Variants in GABPB1 observed in about 807,000 individuals in gnomAD.
GABPB1 encodes the protein GA-binding protein subunit beta-1.
Under a neutral mutation model 45.9 loss-of-function variants are expected in GABPB1, and 15 were observed. That is an observed-to-expected ratio of 0.33 (90% CI 0.22 to 0.50). The LOEUF (loss-of-function observed/expected upper bound fraction) is 0.50. Ranked by LOEUF, GABPB1 falls within the 20% of genes least tolerant of loss-of-function variation. The pLI is 0.98. For synonymous variants in GABPB1, 143 were observed against 154.4 expected (o/e 0.93, Z 0.55); for missense variants, 252 against 457.5 (o/e 0.55, Z 4.10).
intron 1 of GABPB1, among the ~76,000 whole-genome samples, chr15:50,332,699 T>C (rs187430247): frequency 1.5e-4 from 23 of 152,254 alleles, no homozygotes; most frequent in Admixed American, 4.6e-4. Context: ...AATAAATACA[T>C]AAGGATTCAT....
intron 1 of GABPB1, among the ~76,000 whole-genome samples, chr15:50,319,099 A>C (rs2047458453): frequency 6.6e-6 from 1 of 152,220 alleles, no homozygotes; most frequent in Admixed American, 6.5e-5. Context: ...GTGGAAAAAA[A>C]TCAAGAAATA....
intron 1 of GABPB1, among the ~76,000 whole-genome samples, chr15:50,323,134 G>A (rs1437828653): frequency 2.0e-5 from 3 of 152,164 alleles, no homozygotes; most frequent in African/African-American, 7.2e-5. Flanking sequence ...TACTTGGGAG[G>A]CTAAGGCAGG....
chr15:50,290,184 C>T (rs1052499351), intron 6 of GABPB1, among the ~76,000 whole-genome samples: 4 of 152,210 alleles, frequency 2.6e-5, no homozygotes. Context: ...ATTTACAATA[C>T]ATCAGTTCCA....
At chr15:50,303,166 A>C (rs1303306285) in intron 3 of GABPB1, 43 bp from the exon 4 acceptor site, 1 of 1,456,416 alleles carries the variant, frequency 6.9e-7, no homozygotes, top group Admixed American at 2.1e-5. Flanking sequence ...ATGAAATATC[A>C]CATAAAAAAT....
chr15:50,332,263 T>G (rs1172377268), intron 1 of GABPB1, among the ~76,000 whole-genome samples: 1 of 152,134 alleles, frequency 6.6e-6, no homozygotes, highest in Non-Finnish European at 1.5e-5. Context: ...CTCTACTGAT[T>G]TGGAAGTTAT....
intron 6 of GABPB1, among the ~76,000 whole-genome samples, chr15:50,293,989 C>A (rs963625528): frequency 6.6e-6 from 1 of 152,026 alleles, no homozygotes; most frequent in African/African-American, 2.4e-5. Flanking sequence ...AAACATAAAG[C>A]TCCCTGGATA....
At chr15:50,340,248 T>C (rs973322367) in intron 1 of GABPB1, among the ~76,000 whole-genome samples, 2 of 152,220 alleles carry the variant, frequency 1.3e-5, no homozygotes, top group Admixed American at 1.3e-4. Flanking sequence ...TCCAGAACTC[T>C]GAGAAATAAA....
chr15:50,290,534 T>C (rs2046310888), intron 6 of GABPB1, among the ~76,000 whole-genome samples: 1 of 150,132 alleles, frequency 6.7e-6, no homozygotes, highest in Admixed American at 6.7e-5. Context: ...GAGGTTGCAA[T>C]GAGAAGAGAT....
chr15:50,303,909 C>T, intron 3 of GABPB1, 57 bp downstream of exon 3: 1 of 1,380,888 alleles, frequency 7.2e-7, no homozygotes, highest in Admixed American at 2.4e-5. Flanking sequence ...AGTTCCCTCT[C>T]CTTCTTATAA....
At chr15:50,331,760 G>C (rs2047955207) in intron 1 of GABPB1, among the ~76,000 whole-genome samples, 1 of 152,066 alleles carries the variant, frequency 6.6e-6, no homozygotes, top group East Asian at 1.9e-4. Flanking sequence ...CTCAGGCCTG[G>C]ATGATACCTG....
intron 1 of GABPB1, among the ~76,000 whole-genome samples, chr15:50,341,458 G>A (rs1342425497): frequency 6.6e-6 from 1 of 152,020 alleles, no homozygotes; most frequent in Non-Finnish European, 1.5e-5. Flanking sequence ...ACTTGAACCT[G>A]GGAGGTGAAG....
chr15:50,321,678 G>A (rs1476027265), intron 1 of GABPB1, among the ~76,000 whole-genome samples: 1 of 149,604 alleles, frequency 6.7e-6, no homozygotes, highest in Non-Finnish European at 1.5e-5. Flanking sequence ...CTCCAGCCTG[G>A]GCAATAGAGC....
intron 1 of GABPB1, among the ~76,000 whole-genome samples, chr15:50,310,275 T>G (rs2047085772): frequency 6.6e-6 from 1 of 152,108 alleles, no homozygotes; most frequent in African/African-American, 2.4e-5. Flanking sequence ...CTATTTTCAG[T>G]AGAGACAGGG....
At chr15:50,316,437 G>A (rs1412619206) in intron 1 of GABPB1, among the ~76,000 whole-genome samples, 1 of 152,084 alleles carries the variant, frequency 6.6e-6, no homozygotes, top group Non-Finnish European at 1.5e-5. Flanking sequence ...ATAAGAATAT[G>A]AATTTTTAAA....
chr15:50,322,819 G>C (rs2047622023), intron 1 of GABPB1, among the ~76,000 whole-genome samples: 1 of 152,010 alleles, frequency 6.6e-6, no homozygotes, highest in Non-Finnish European at 1.5e-5. Flanking sequence ...TTGAGACCAG[G>C]AGTTCAAGAC....
At chr15:50,337,796 A>C (rs1234053014) in intron 1 of GABPB1, among the ~76,000 whole-genome samples, 1 of 152,128 alleles carries the variant, frequency 6.6e-6, no homozygotes, top group Non-Finnish European at 1.5e-5. Flanking sequence ...AGAATTACTT[A>C]GTTCTTTTTC....
intron 8 of GABPB1, among the ~76,000 whole-genome samples, chr15:50,284,996 A>G (rs1157302252): frequency 1.3e-5 from 2 of 152,148 alleles, no homozygotes; most frequent in African/African-American, 2.4e-5. Flanking sequence ...ACTCAATAAT[A>G]TATTTGTGGT....
intron 1 of GABPB1, among the ~76,000 whole-genome samples, chr15:50,333,845 A>G (rs1473488892): frequency 6.6e-6 from 1 of 152,100 alleles, no homozygotes; most frequent in Non-Finnish European, 1.5e-5. Flanking sequence ...CCTGGCCAAC[A>G]TAGTAAAACC....
intron 2 of GABPB1, among the ~76,000 whole-genome samples, chr15:50,308,153 G>A (rs2047010251): frequency 1.3e-5 from 2 of 152,104 alleles, no homozygotes; most frequent in Admixed American, 1.3e-4. Context: ...GTGTTCATGT[G>A]TTTAGTTATT....
Sources: gnomAD v4.1 joint callset for allele counts (sites outside exome capture counted in the v4.1 genomes callset) on GRCh38, gnomAD v4.1.1 for gene constraint, MANE v1.5 for transcripts, NCBI Gene and HGNC (gene_info 2026-07-23, HGNC 2026-07-21) for gene names.